LTV1: variants seen among roughly 807,000 people sequenced by gnomAD.
LTV1 encodes the protein LTV1 ribosome biogenesis factor, also known as protein LTV1 homolog.
In LTV1, 39 loss-of-function variants were observed where a neutral mutation model predicts 59.9. The observed-to-expected ratio is 0.65, with a 90% confidence interval of 0.50 to 0.85. The LOEUF is 0.85. Among genes scored for constraint, LTV1 ranks in the 40% least tolerant of loss-of-function variants. LTV1 has a pLI of 0.00. For missense variants in LTV1, 493 were observed against 549.1 expected, an observed-to-expected ratio of 0.90 and a Z score of 1.02; for synonymous variants, 171 against 189.5, an observed-to-expected ratio of 0.90 and a Z score of 0.80.
rs1299104688 is a variant in LTV1, at chr6:143,863,039, T to C, written c.1117-47T>C. 1 of 1,532,726 alleles carries C rather than the reference T, an allele frequency of 6.5e-7. No homozygotes were observed. The highest frequency in any genetic ancestry group is 9.0e-7 in the Non-Finnish European group (1 of 1,109,010). The allele number at this position is 1,532,726 out of a possible 1,614,324, so 94.9% of individuals were successfully genotyped here. On this transcript the variant is annotated intron_variant, in intron 9 of 10. Transcript: ENST00000367576. The surrounding 1 kb of genome is among the most constrained non-coding windows in gnomAD (Gnocchi z 4.5). ...AGTATGTCATTAATGAGCTATTTTT[T>C]AATAGGAATGAGAAGTAACTCTAGT...
At chr6:143,853,411 CA>C (rs1159199072) in intron 4 of LTV1, among the ~76,000 whole-genome samples, 5 of 152,150 alleles carry the variant, frequency 3.3e-5, no homozygotes, top group Non-Finnish European at 7.3e-5. Context: ...TGTTAATCTG[CA>C]AACAGAGACA....
At chr6:143,851,794 A>G (rs556815501) in intron 4 of LTV1, among the ~76,000 whole-genome samples, 1 of 151,394 alleles carries the variant, frequency 6.6e-6, no homozygotes, top group East Asian at 1.9e-4. Context: ...TCATTGTTCA[A>G]CTCCCACTTA....
Position 143,862,069 on chromosome 6 carries a change from CT to C in LTV1, c.924-34del. 1.3e-6 allele frequency: 2 copies of C among 1,597,550 alleles called. No homozygotes were observed. The highest frequency in any genetic ancestry group is 1.7e-6 in the Non-Finnish European group (2 of 1,173,622). On this transcript the variant is annotated intron_variant, in intron 7 of 10. Coordinates refer to ENST00000367576, the MANE Select transcript of LTV1 (RefSeq NM_032860.5). This position sits in a 1 kb window ranked among gnomAD's most constrained non-coding sequence, Gnocchi z 4.2. ...GTATAATAATAGGTCATTTTTCCCC[CT>C]CTTGGTCTTCACTTTTAAAAACTCG... is the stretch of plus-strand genomic sequence containing the variant.
At chr6:143,843,621 C>T (rs954216283) in intron 1 of LTV1, 141 bp downstream of exon 1, 3 of 1,034,962 alleles carry the variant, frequency 2.9e-6, no homozygotes, top group East Asian at 5.2e-5. Flanking sequence ...CGAAATGGGC[C>T]AACGTCACCA....
chr6:143,863,013 CAGT>C lies in LTV1; in HGVS notation c.1117-71_1117-69del. ...AGAGTGATATTAGAAAAAGCATCAA[CAGT>C]ATGTCATTAATGAGCTATTTTTTAA... On this transcript the variant is annotated intron_variant, in intron 9 of 10. Transcript: ENST00000367576. The surrounding 1 kb of genome is among the most constrained non-coding windows in gnomAD (Gnocchi z 4.5). 6.8e-7 allele frequency: 1 copy of C among 1,463,990 alleles called. No homozygotes were observed. The highest frequency in any genetic ancestry group is 9.6e-7 in the Non-Finnish European group (1 of 1,046,264). The allele number at this position is 1,463,990 out of a possible 1,614,324, so 90.7% of individuals were successfully genotyped here.
chr6:143,843,864 C>T (rs1216053723), intron 1 of LTV1, among the ~76,000 whole-genome samples: 2 of 152,206 alleles, frequency 1.3e-5, no homozygotes, highest in Non-Finnish European at 2.9e-5. Flanking sequence ...GTCTGCCTGT[C>T]TGTTTCCTCT....
At chr6:143,844,671 T>C (rs959839490) in intron 2 of LTV1, 54 bp downstream of exon 2, 16 of 1,518,944 alleles carry the variant, frequency 1.1e-5, no homozygotes, top group East Asian at 2.4e-5. Flanking sequence ...GTTTTTTTTT[T>C]CTTTTTTTTT....
chr6:143,844,630 CT>C lies in LTV1; in HGVS notation c.135+16del. ...GCCCACACAAAAAGTAGGTCCTGTT[CT>C]TTAGCCAGTCAGTTTGTAGGTAGAC... is the stretch of plus-strand genomic sequence containing the variant. On this transcript the variant is annotated intron_variant, in intron 2 of 10. Transcript: ENST00000367576. 1 of 1,600,962 alleles carries C rather than the reference CT, an allele frequency of 6.2e-7. No homozygotes were observed. Among genetic ancestry groups the C allele is most frequent in the South Asian group, 1.1e-5 (1 of 87,940 alleles).
Position 143,857,673 on chromosome 6 carries a change from C to T in LTV1, c.540-79C>T. 1.3e-6 allele frequency: 2 copies of T among 1,497,690 alleles called. No individual in the cohort carries two copies. The highest frequency in any genetic ancestry group is 1.8e-6 in the Non-Finnish European group (2 of 1,085,238). The allele number at this position is 1,497,690 out of a possible 1,614,324, so 92.8% of individuals were successfully genotyped here. The stretch of plus-strand genomic sequence containing the variant: ...CAAGAACCCTTCCTGAAATACCTTC[C>T]AATTTTACTTGTGTAAAGTGGTTTT... On this transcript the variant is annotated intron_variant, in intron 5 of 10. Coordinates refer to ENST00000367576, the MANE Select transcript of LTV1 (RefSeq NM_032860.5). This position sits in a 1 kb window ranked among gnomAD's most constrained non-coding sequence, Gnocchi z 5.2.
Position 143,857,037 on chromosome 6 carries a change from C to T in LTV1, c.398-266C>T, listed in dbSNP as rs574185857. 4.6e-5 allele frequency among the ~76,000 whole-genome samples: 7 copies of T among 152,264 alleles called. No individual in the cohort carries two copies. Among genetic ancestry groups the T allele is most frequent in the South Asian group, 4.1e-4 (2 of 4,824 alleles). On this transcript the variant is annotated intron_variant, in intron 4 of 10. Coordinates refer to ENST00000367576, the MANE Select transcript of LTV1 (RefSeq NM_032860.5). The surrounding 1 kb of genome is among the most constrained non-coding windows in gnomAD (Gnocchi z 5.2). ...AGTCTGCTGAAGCTGTGCCCACAGC[C>T]GCCCCTTCCCCCAGGTGCTCTGTCC...
At chr6:143,848,618 C>T (rs1306328482) in intron 3 of LTV1, among the ~76,000 whole-genome samples, 1 of 152,102 alleles carries the variant, frequency 6.6e-6, no homozygotes, top group East Asian at 1.9e-4. Flanking sequence ...TAACACATGG[C>T]GGTTGTCCTC....
intron 4 of LTV1, among the ~76,000 whole-genome samples, chr6:143,852,783 A>C (rs1252276795): frequency 1.3e-5 from 2 of 152,244 alleles, no homozygotes; most frequent in African/African-American, 4.8e-5. Flanking sequence ...AGTTTTCTGC[A>C]TATGGCTAGC....
chr6:143,843,859 CCTGT>C (rs1193625333), intron 1 of LTV1, among the ~76,000 whole-genome samples: 1 of 152,170 alleles, frequency 6.6e-6, no homozygotes, highest in East Asian at 1.9e-4. Flanking sequence ...CAGGTGTCTG[CCTGT>C]CTGTTTCCTC....
rs561578187 is a variant in LTV1 at position 143,862,061 on chromosome 6, T to C, written c.924-43T>C. On this transcript the variant is annotated intron_variant, in intron 7 of 10. Transcript: ENST00000367576. The surrounding 1 kb of genome is among the most constrained non-coding windows in gnomAD (Gnocchi z 4.2). Reference sequence around the variant, plus strand: ...GTGACATAGTATAATAATAGGTCATTTTTCCCCCTCTTGGTCTTCACTTTT... The same window carrying C: ...GTGACATAGTATAATAATAGGTCATCTTTCCCCCTCTTGGTCTTCACTTTT... 1 of 1,587,862 alleles carries C rather than the reference T, an allele frequency of 6.3e-7. No homozygotes were observed. The highest frequency in any genetic ancestry group is 1.2e-5 in the South Asian group (1 of 86,668).
chr6:143,845,326 G>A (rs1029353431), intron 2 of LTV1, among the ~76,000 whole-genome samples: 4 of 151,956 alleles, frequency 2.6e-5, no homozygotes, highest in African/African-American at 9.7e-5. Context: ...TTTCAGTAAA[G>A]CCAGTTTTGT....
rs1777097132 is a variant in LTV1 at position 143,857,524 on chromosome 6, A to T, written c.539+80A>T. 27 of 1,298,920 alleles carry T rather than the reference A, an allele frequency of 2.1e-5. No individual in the cohort carries two copies. The highest frequency in any genetic ancestry group is 1.9e-4 in the Admixed American group (10 of 51,660). 80.5% of individuals were successfully genotyped at this position (1,298,920 alleles called of 1,614,324 possible). On this transcript the variant is annotated intron_variant, in intron 5 of 10. Coordinates refer to ENST00000367576, the MANE Select transcript of LTV1 (RefSeq NM_032860.5). This position sits in a 1 kb window ranked among gnomAD's most constrained non-coding sequence, Gnocchi z 5.2. ...TGGGATGGTAACCATAGAACGTTAC[A>T]GTTGGAAGAGACCTTCAAGAGCATT...
chr6:143,848,159 A>G (rs17073121), intron 3 of LTV1, among the ~76,000 whole-genome samples: 2,183 of 152,314 alleles, frequency 0.014, 45 homozygotes, highest in African/African-American at 0.05. Context: ...AATATCTCAC[A>G]AAGGTAAATT....
chr6:143,848,506 A>G (rs997351481), intron 3 of LTV1, among the ~76,000 whole-genome samples: 2 of 152,200 alleles, frequency 1.3e-5, no homozygotes, highest in Admixed American at 6.5e-5. Flanking sequence ...GAGGCTTCCA[A>G]TTCAGAGAGC....
Position 143,846,195 on chromosome 6 carries a change from G to A in LTV1, c.280G>A (p.Glu94Lys), listed in dbSNP as rs1395279069. 1 of 1,611,990 alleles carries A rather than the reference G, an allele frequency of 6.2e-7. No individual in the cohort carries two copies. The highest frequency in any genetic ancestry group is 8.5e-7 in the Non-Finnish European group (1 of 1,179,388). ...TACCTTCAGTGCACACAACAGGAGA[G>A]AGGAGAAAGAAGAAACGCTAGTAAT... ...SSTFSAHNRR[E>K]EKEETLVIPS... Residue 94 changes from glutamate to lysine, a missense_variant, in exon 3 of 11, where the codon GAG (glutamate) becomes AAG (lysine). Glu to Lys is a moderately conservative substitution (Grantham distance 56, BLOSUM62 1). Coordinates refer to ENST00000367576, the MANE Select transcript of LTV1 (RefSeq NM_032860.5).
Sources: allele counts gnomAD v4.1 joint callset (sites outside exome capture counted in the v4.1 genomes callset), GRCh38; gene constraint gnomAD v4.1.1; non-coding constraint Gnocchi (gnomAD v3.1); transcripts MANE v1.5; gene names NCBI Gene and HGNC (gene_info 2026-07-23, HGNC 2026-07-21).